MAP2: variants seen among roughly 807,000 people sequenced by gnomAD.
MAP2 encodes microtubule-associated protein 2.
In MAP2, 14 loss-of-function variants were observed where a neutral mutation model predicts 137.6. The observed-to-expected ratio is 0.10, with a 90% CI of 0.07 to 0.16. The LOEUF (loss-of-function observed/expected upper bound fraction) is 0.16. Ranked by LOEUF, MAP2 falls within the 10% of genes least tolerant of loss-of-function variation. The probability of loss-of-function intolerance (pLI) is 1.00; values close to 1 mark genes in which losing one functional copy is unlikely to be tolerated. For synonymous variants in MAP2, 786 were observed against 782.3 expected (o/e 1.00, Z -0.08); for missense variants, 2,088 against 2,191.5 (o/e 0.95, Z 0.94).
chr2:209,696,173 G>A lies in MAP2; in HGVS notation c.4003G>A (p.Glu1335Lys). 1 of 1,612,614 alleles carries A rather than the reference G, an allele frequency of 6.2e-7. No individual in the cohort carries two copies. Among genetic ancestry groups the A allele is most frequent in the Non-Finnish European group, 8.5e-7 (1 of 1,179,504 alleles). The change falls in exon 8 of 16, where the codon GAG (glutamate) becomes AAG (lysine). Residue 1335 changes from glutamate (E) to lysine (K), a missense_variant. Glu to Lys is a moderately conservative substitution (Grantham distance 56). This residue lies in a region of MAP2 where 591 missense variants were observed against 642.6 expected (regional missense o/e 0.92). Transcript: ENST00000682079. ...PHDEEEFEVE[E>K]AAEAQAEPKD... ...TGATGAAGAAGAGTTTGAAGTAGAA[G>A]AGGCAGCTGAAGCCCAGGCAGAACC...
chr2:209,493,032 C>A (rs1411480044), intron 1 of MAP2, among the ~76,000 whole-genome samples: 1 of 152,162 alleles, frequency 6.6e-6, no homozygotes, highest in Admixed American at 6.5e-5. Flanking sequence ...TCAAACTATA[C>A]TACAAGGCTA....
intron 7 of MAP2, among the ~76,000 whole-genome samples, chr2:209,691,178 T>A (rs748780811): frequency 1.7e-4 from 26 of 151,920 alleles, no homozygotes; most frequent in Admixed American, 3.9e-4. Flanking sequence ...GTCACATTGC[T>A]AATACATGTA....
chr2:209,579,672 G>C (rs1041695425), intron 2 of MAP2: 2 of 152,232 alleles, frequency 1.3e-5, no homozygotes, highest in Admixed American at 6.5e-5. Flanking sequence ...CAGAGAGCCA[G>C]CCTGTGGGGA....
intron 3 of MAP2, among the ~76,000 whole-genome samples, chr2:209,582,774 T>C (rs1301893544): frequency 6.6e-6 from 1 of 152,194 alleles, no homozygotes; most frequent in Non-Finnish European, 1.5e-5. Context: ...AATGTTATTC[T>C]TTCTTGCTGT....
intron 1 of MAP2, among the ~76,000 whole-genome samples, 158 bp from the exon 2 acceptor site, chr2:209,507,434 C>CAT (rs1294443768): frequency 2.0e-4 from 30 of 151,936 alleles, no homozygotes; most frequent in Admixed American, 2.0e-3. Flanking sequence ...TTGTATTATA[C>CAT]ATAACCGTCA....
chr2:209,562,134 A>C (rs2072256526), intron 2 of MAP2, among the ~76,000 whole-genome samples: 1 of 152,196 alleles, frequency 6.6e-6, no homozygotes, highest in South Asian at 2.1e-4. Context: ...CTTCAAAATG[A>C]AAATAAATAT....
intron 4 of MAP2, among the ~76,000 whole-genome samples, chr2:209,631,004 G>GAAAAAAAAAAAAAA (rs1314315917): frequency 2.1e-4 from 1 of 4,706 alleles, no homozygotes; most frequent in Admixed American, 7.4e-3. Flanking sequence ...GGAGCTACAA[G>GAAAAAAAAAAAAAA]CAAAAAAAAA....
Position 209,710,064 on chromosome 2 carries a change from C to T in MAP2, c.4883C>T (p.Thr1628Ile). ...CCTAGCTATCCCAGGACCCCTCACA[C>T]ACCAGGAACCCCCAAGTCTGCCATC... ...GTPSYPRTPH[T>I]PGTPKSAILV... The change falls in exon 13 of 16, where the codon ACA (threonine) becomes ATA (isoleucine). Residue 1628 changes from threonine (T) to isoleucine (I), a missense_variant. Around this residue, in one of 6 missense-constraint regions of MAP2, gnomAD observed 591 missense variants for 642.6 expected, o/e 0.92. Coordinates refer to ENST00000682079, the MANE Select transcript of MAP2 (RefSeq NM_001375505.1). 1.2e-6 allele frequency: 2 copies of T among 1,614,054 alleles called. No individual in the cohort carries two copies. Among genetic ancestry groups the T allele is most frequent in the Admixed American group, 1.7e-5 (1 of 59,996 alleles).
intron 1 of MAP2, among the ~76,000 whole-genome samples, chr2:209,432,103 A>G (rs1297349832): frequency 6.6e-6 from 1 of 152,158 alleles, no homozygotes; most frequent in Non-Finnish European, 1.5e-5. Context: ...CTCAACATAT[A>G]AGGGGAATCC....
chr2:209,634,633 T>C (rs1215640378), intron 4 of MAP2, among the ~76,000 whole-genome samples: 2 of 152,172 alleles, frequency 1.3e-5, no homozygotes. Flanking sequence ...AAATGTACTC[T>C]AGCTATATGC....
At chr2:209,524,854 C>T (rs1323303241) in intron 2 of MAP2, among the ~76,000 whole-genome samples, 12 of 151,636 alleles carry the variant, frequency 7.9e-5, no homozygotes, top group African/African-American at 2.9e-4. Context: ...TTTTTCAATT[C>T]ATTACCTGTT....
Position 209,696,199 on chromosome 2 carries a change from C to A in MAP2, c.4029C>A (p.Pro1343=). ...AGGCAGCTGAAGCCCAGGCAGAACC[C>A]AAAGATGGTTCCCCAGAGGCTCCAG... ...VEEAAEAQAE[P]KDGSPEAPAS... The change falls in exon 8 of 16, where the codon CCC becomes CCA. Residue 1343 remains proline, a synonymous_variant. Coordinates refer to ENST00000682079, the MANE Select transcript of MAP2 (RefSeq NM_001375505.1). 6.2e-7 allele frequency: 1 copy of A among 1,613,694 alleles called. No homozygotes were observed. The highest frequency in any genetic ancestry group is 8.5e-7 in the Non-Finnish European group (1 of 1,179,876).
intron 3 of MAP2, among the ~76,000 whole-genome samples, chr2:209,587,279 C>A (rs1327041073): frequency 1.3e-5 from 2 of 152,158 alleles, no homozygotes; most frequent in African/African-American, 2.4e-5. Context: ...CTCCACATTC[C>A]ATCCTCTTGC....
intron 13 of MAP2, chr2:209,710,908 C>A (rs968232128): frequency 2.0e-5 from 3 of 152,342 alleles, no homozygotes; most frequent in South Asian, 4.1e-4. Flanking sequence ...CTCCCCAGAG[C>A]AAACATTCAT....
intron 2 of MAP2, among the ~76,000 whole-genome samples, chr2:209,551,008 T>C (rs979550037): frequency 3.3e-5 from 5 of 152,054 alleles, no homozygotes; most frequent in African/African-American, 1.2e-4. Flanking sequence ...CAAAGCAAGA[T>C]CTAATAAGAG....
intron 2 of MAP2, among the ~76,000 whole-genome samples, chr2:209,547,345 G>A (rs1019283190): frequency 6.6e-6 from 1 of 151,038 alleles, no homozygotes; most frequent in Non-Finnish European, 1.5e-5. Flanking sequence ...AAATATGTTT[G>A]CTTTGCCAAA....
At chr2:209,685,817 A>C (rs1240757735) in intron 7 of MAP2, among the ~76,000 whole-genome samples, 1 of 152,192 alleles carries the variant, frequency 6.6e-6, no homozygotes, top group Non-Finnish European at 1.5e-5. Context: ...ACAAAGAACA[A>C]TGACAACAAG....
chr2:209,694,536 C>T lies in MAP2; in HGVS notation c.2366C>T (p.Pro789Leu). ...STQAEISCES[P>L]FLAKDFYKNG... is the part of the protein sequence containing the mutation. ...CAAGCGGAGATATCATGTGAGTCTC[C>T]TTTCCTAGCCAAAGATTTTTACAAA... Residue 789 changes from proline to leucine, a missense_variant, in exon 8 of 16, where the codon CCT becomes CTT. Around this residue, in one of 6 missense-constraint regions of MAP2, gnomAD observed 500 missense variants for 482.9 expected, o/e 1.04. Transcript: ENST00000682079. The T allele has an allele frequency of 6.2e-7, 1 of 1,614,076 alleles. No individual in the cohort carries two copies. The highest frequency in any genetic ancestry group is 8.5e-7 in the Non-Finnish European group (1 of 1,179,990).
intron 3 of MAP2, among the ~76,000 whole-genome samples, chr2:209,580,374 G>A (rs2076142806): frequency 6.6e-6 from 1 of 151,682 alleles, no homozygotes; most frequent in Non-Finnish European, 1.5e-5. Context: ...TCATTGTAAT[G>A]TTTTTTTTAA....
Sources: gnomAD v4.1 joint callset for allele counts (sites outside exome capture counted in the v4.1 genomes callset) on GRCh38, gnomAD v4.1.1 for gene constraint, gnomAD v4.1.1 regional missense constraint, MANE v1.5 for transcripts, NCBI Gene and HGNC (gene_info 2026-07-23, HGNC 2026-07-21) for gene names.